Variants in MGA observed in about 807,000 individuals in gnomAD.
MGA encodes MAX dimerization protein MGA.
In MGA, 40 loss-of-function variants were observed where a neutral mutation model predicts 261.1. That is an observed-to-expected ratio of 0.15 (90% confidence interval 0.12 to 0.20). The LOEUF is 0.20. MGA is among the 10% of genes least tolerant of loss of function. The pLI, the probability that MGA is intolerant of heterozygous loss-of-function variation, is 1.00. For missense variants in MGA, 3,397 were observed against 3,630.5 expected (o/e 0.94, Z 1.65); for synonymous variants, 1,302 against 1,290.6 (o/e 1.01, Z -0.19).
intron 5 of MGA, among the ~76,000 whole-genome samples, chr15:41,699,743 G>A (rs553923724): frequency 4.6e-5 from 7 of 152,182 alleles, no homozygotes; most frequent in African/African-American, 1.7e-4. Flanking sequence ...CTTGTGATCC[G>A]CCCGCCTCGG....
In MGA at chr15:41,743,041, C is replaced by T. The variant is rs1278972612; in HGVS notation, c.5081C>T (p.Ala1694Val). The T allele has an allele frequency of 6.2e-7, 1 of 1,613,922 alleles. No homozygotes were observed. Among genetic ancestry groups the T allele is most frequent in the Non-Finnish European group, 8.5e-7 (1 of 1,179,904 alleles). Residue 1694 changes from alanine to valine, a missense_variant, in exon 15 of 24, where the codon GCT (alanine) becomes GTT (valine). By Grantham distance (64) the Ala-to-Val change is moderately conservative. Around this residue, in one of 9 missense-constraint regions of MGA, gnomAD observed 1,410 missense variants for 1,386.4 expected, o/e 1.02. Coordinates refer to ENST00000219905, the MANE Select transcript of MGA (RefSeq NM_001164273.2). ...ATAACTCTTCCTGTTGCTTCCACTG[C>T]TTCCACCTCCTTAGTCGTGGTGACT...
rs2151922758 is a variant in MGA at position 41,750,590 on chromosome 15, G to A, written c.6983G>A (p.Ser2328Asn). ...GTGGATGTTGTTTCTGACTACCAGAGTGAGGAGGTTGATGATGTAGAAAAG... is the reference window on the plus strand; with the variant it reads ...GTGGATGTTGTTTCTGACTACCAGAATGAGGAGGTTGATGATGTAGAAAAG... Residue 2328 changes from serine (S) to asparagine (N), a missense_variant, in exon 17 of 24, where the codon AGT (serine) becomes AAT (asparagine). Transcript: ENST00000219905. The A allele has an allele frequency of 1.2e-6, 2 of 1,609,208 alleles. No homozygotes were observed. Among genetic ancestry groups the A allele is most frequent in the East Asian group, 2.2e-5 (1 of 44,810 alleles).
intron 2 of MGA, chr15:41,691,493 T>A (rs2059282890): frequency 3.4e-6 from 1 of 297,976 alleles, no homozygotes; most frequent in Non-Finnish European, 7.3e-6. Context: ...ATAGTTTTGC[T>A]TTTTCCTCTA....
Position 41,714,707 on chromosome 15 carries a change from G to A in MGA, c.3430+1211G>A, listed in dbSNP as rs150854347. On this transcript the variant is annotated intron_variant, in intron 9 of 23. Coordinates refer to ENST00000219905, the MANE Select transcript of MGA (RefSeq NM_001164273.2). ...GGGGTTTCACCATGTTGCGTAGGCT[G>A]GTCTTGAACTCCTGAGCTCAGGCAA... Among the ~76,000 whole-genome samples the A allele has an allele frequency of 2.4e-4, 36 of 152,254 alleles. No individual in the cohort carries two copies. In the East Asian group the frequency reaches 6.6e-3, roughly 28 times the overall value.
In MGA at chr15:41,702,271, C is replaced by T. The variant is rs576979101; in HGVS notation, c.2188+3112C>T. ...CCGGGAGGCGGAGCTTGCAGTGAGC[C>T]GAGATCGCGCCACCACACTCCAGCC... On this transcript the variant is annotated intron_variant, in intron 5 of 23. Coordinates refer to ENST00000219905, the MANE Select transcript of MGA (RefSeq NM_001164273.2). Among the ~76,000 whole-genome samples, 54 of 150,920 alleles carry T rather than the reference C, an allele frequency of 3.6e-4. No individual in the cohort carries two copies. In the South Asian group the frequency reaches 0.011, roughly 30 times the overall value.
intron 8 of MGA, 138 bp downstream of exon 8, chr15:41,711,487 G>C: frequency 2.4e-6 from 2 of 841,244 alleles, no homozygotes; most frequent in Non-Finnish European, 3.6e-6. Context: ...GGGAACTAAG[G>C]CTATGTCTTC....
At chr15:41,711,453 G>T (rs976796748) in intron 8 of MGA, 104 bp downstream of exon 8, 7 of 1,210,410 alleles carry the variant, frequency 5.8e-6, no homozygotes, top group Admixed American at 2.8e-5. Flanking sequence ...TGATCAGCTA[G>T]TTTTTAGCAT....
At chr15:41,663,502 G>A (rs970588840) in intron 1 of MGA, among the ~76,000 whole-genome samples, 1 of 151,700 alleles carries the variant, frequency 6.6e-6, no homozygotes, top group African/African-American at 2.4e-5. Context: ...TGTTGTTGTT[G>A]TTATTATTTT....
intron 17 of MGA, 85 bp from the exon 18 acceptor site, chr15:41,754,352 G>C: frequency 1.5e-6 from 2 of 1,346,326 alleles, no homozygotes; most frequent in Non-Finnish European, 2.0e-6. Context: ...GCATTAGTTG[G>C]TTTTATAAGG....
At chr15:41,724,864 C>T (rs1192210322) in intron 9 of MGA, among the ~76,000 whole-genome samples, 2 of 151,982 alleles carry the variant, frequency 1.3e-5, no homozygotes, top group Non-Finnish European at 2.9e-5. Context: ...TGATTGTGCC[C>T]GTATGTTTAC....
At chr15:41,689,463 C>G (rs1297825568) in intron 2 of MGA, among the ~76,000 whole-genome samples, 1 of 151,572 alleles carries the variant, frequency 6.6e-6, no homozygotes, top group African/African-American at 2.4e-5. Context: ...AGTCAGTAGT[C>G]ATTTAAATAA....
intron 13 of MGA, 124 bp downstream of exon 13, chr15:41,736,822 A>C: frequency 9.0e-7 from 1 of 1,114,238 alleles, no homozygotes; most frequent in Admixed American, 3.2e-5. Flanking sequence ...CTGGGTGACA[A>C]AATTATTATC....
At chr15:41,678,766 C>CAA (rs112308045) in intron 2 of MGA, among the ~76,000 whole-genome samples, 11 of 140,290 alleles carry the variant, frequency 7.8e-5, no homozygotes, top group Non-Finnish European at 1.4e-4. Context: ...GACTCCATCT[C>CAA]AAAAAAAAAA....
At chr15:41,637,428 A>C (rs2056733556) in intron 1 of MGA, among the ~76,000 whole-genome samples, 1 of 152,210 alleles carries the variant, frequency 6.6e-6, no homozygotes, top group Admixed American at 6.5e-5. Context: ...ACTTGATCTC[A>C]TAGAGGTGGT....
At chr15:41,672,460 T>G (rs11070346) in intron 2 of MGA, among the ~76,000 whole-genome samples, 25,367 of 152,242 alleles carry the variant, frequency 0.17, 2,931 homozygotes, top group East Asian at 0.68. Flanking sequence ...CAGCCAGGCT[T>G]ATTTTTTTGT....
At chr15:41,763,894 A>G (rs1358892432) in intron 22 of MGA, among the ~76,000 whole-genome samples, 2 of 152,176 alleles carry the variant, frequency 1.3e-5, no homozygotes, top group East Asian at 3.9e-4. Context: ...GCAGTGGCTC[A>G]TGCCTGTAAT....
chr15:41,634,978 T>G (rs1182755910), intron 1 of MGA, among the ~76,000 whole-genome samples: 1 of 151,988 alleles, frequency 6.6e-6, no homozygotes, highest in Non-Finnish European at 1.5e-5. Flanking sequence ...TAAGAACACT[T>G]AGGAGATTAT....
rs1016128266 is a variant in MGA, at chr15:41,661,674, C to G, written c.-68+1149C>G. Among the ~76,000 whole-genome samples the G allele has an allele frequency of 2.0e-5, 3 of 152,194 alleles. No individual in the cohort carries two copies. In the South Asian group the frequency reaches 6.2e-4, roughly 32 times the overall value. On this transcript the variant is annotated intron_variant, in intron 1 of 23. Transcript: ENST00000219905. ...GATCATGAGAAGTCTCGAGCCCACCCGCGCGTGTTGTTGTAGAGCTTGCCA... is the reference window on the plus strand; with the variant it reads ...GATCATGAGAAGTCTCGAGCCCACCGGCGCGTGTTGTTGTAGAGCTTGCCA...
intron 1 of MGA, among the ~76,000 whole-genome samples, chr15:41,665,155 A>G (rs2057657955): frequency 6.6e-6 from 1 of 152,224 alleles, no homozygotes; most frequent in Admixed American, 6.5e-5. Flanking sequence ...TCTTGTAAGA[A>G]GAGGTAAAAT....
Sources: gnomAD v4.1 joint callset for allele counts (sites outside exome capture counted in the v4.1 genomes callset) on GRCh38, gnomAD v4.1.1 for gene constraint, gnomAD v4.1.1 regional missense constraint, MANE v1.5 for transcripts, NCBI Gene and HGNC (gene_info 2026-07-23, HGNC 2026-07-21) for gene names.